Variants in DKK3 observed in about 807,000 individuals in gnomAD.
DKK3 encodes the protein dickkopf-related protein 3.
Under a neutral mutation model 33.2 loss-of-function variants are expected in DKK3, and 22 were observed. The observed-to-expected ratio is 0.66, with a 90% CI of 0.47 to 0.95. DKK3 has a LOEUF of 0.95. Among genes scored for constraint, DKK3 ranks in the 40% least tolerant of loss-of-function variants. The pLI, the probability that DKK3 is intolerant of heterozygous loss-of-function variation, is 0.00. For missense variants in DKK3, 398 were observed against 458.4 expected (o/e 0.87, Z 1.20); for synonymous variants, 194 against 188.8 (o/e 1.03, Z -0.23).
At chr11:11,989,274 C>A (rs548720706) in intron 3 of DKK3, among the ~76,000 whole-genome samples, 2 of 152,258 alleles carry the variant, frequency 1.3e-5, no homozygotes, top group South Asian at 2.1e-4. Flanking sequence ...GTGTTCATAG[C>A]AGCATTATTC....
At chr11:11,970,278 AAG>A (rs1282353860) in intron 3 of DKK3, among the ~76,000 whole-genome samples, 3 of 152,186 alleles carry the variant, frequency 2.0e-5, no homozygotes, top group Non-Finnish European at 1.5e-5. Flanking sequence ...CAATTGGAAA[AAG>A]AGAGAGAGAA....
rs886455606 is a variant in DKK3 at position 12,008,428 on chromosome 11, C to A, written c.155G>T (p.Arg52Leu). The A allele has an allele frequency of 3.7e-6, 6 of 1,611,216 alleles. No individual in the cohort carries two copies. The highest frequency in any genetic ancestry group is 5.1e-6 in the Non-Finnish European group (6 of 1,179,554). ...GTCCTCCATCAGTTCCTCAACCTCG[C>A]GGAACATCTCATTGAGGGTGGCCTC... is the stretch of plus-strand genomic sequence containing the variant. ...QEEATLNEMF[R>L]EVEELMEDTQ... Residue 52 changes from arginine to leucine, a missense_variant, in exon 1 of 7, where the codon CGC (arginine) becomes CTC (leucine). Coordinates refer to ENST00000683431, the MANE Select transcript of DKK3 (RefSeq NM_001018057.2). The surrounding 1 kb of genome is among the most constrained non-coding windows in gnomAD (Gnocchi z 4.6).
intron 3 of DKK3, among the ~76,000 whole-genome samples, chr11:11,990,416 A>T (rs1422148836): frequency 6.6e-6 from 1 of 152,248 alleles, no homozygotes; most frequent in Admixed American, 6.5e-5. Context: ...TGCAGGGTAC[A>T]GGCTTTGCAG....
intron 3 of DKK3, 198 bp downstream of exon 3, chr11:11,998,498 A>G (rs1173580090): frequency 9.4e-6 from 6 of 637,862 alleles, no homozygotes; most frequent in Admixed American, 8.6e-5. Flanking sequence ...TTCTGATGCC[A>G]AGTGCATGGA....
upstream of DKK3, chr11:12,009,517 G>A: frequency 4.2e-6 from 4 of 942,278 alleles, no homozygotes; most frequent in Non-Finnish European, 5.1e-6. Flanking sequence ...TCTACCGAAG[G>A]CAGCCATCTC....
intron 2 of DKK3, 85 bp downstream of exon 2, chr11:12,002,215 A>G: frequency 7.0e-7 from 1 of 1,438,698 alleles, no homozygotes; most frequent in South Asian, 1.5e-5. Context: ...TGTATATCAC[A>G]TATGAAAAAA....
At chr11:11,971,137 A>G (rs1847717163) in intron 3 of DKK3, among the ~76,000 whole-genome samples, 1 of 151,680 alleles carries the variant, frequency 6.6e-6, no homozygotes, top group South Asian at 2.1e-4. Context: ...CCTCAGAAAC[A>G]CTTGTCCATA....
At position 12,002,448 on chromosome 11, in the gene DKK3, G is replaced by A. The variant is rs762221559; in HGVS notation, c.214-11C>T. 26 of 1,607,520 alleles carry A rather than the reference G, an allele frequency of 1.6e-5. No homozygotes were observed. In the Admixed American group the frequency reaches 1.7e-4, roughly 10 times the overall value. ...TTCTTCTGCCTCCATCTATTAAATC[G>A]ATGAATTTAATGAGCAAAATTATTT... On this transcript the variant is annotated splice_polypyrimidine_tract_variant and intron_variant, in intron 1 of 6. Coordinates refer to ENST00000683431, the MANE Select transcript of DKK3 (RefSeq NM_001018057.2).
intron 3 of DKK3, among the ~76,000 whole-genome samples, chr11:11,992,070 G>A (rs6485350): frequency 0.56 from 84,700 of 152,018 alleles, 23,903 homozygotes; most frequent in African/African-American, 0.65. Flanking sequence ...AGGTACTCAA[G>A]GAATGTGCAA....
chr11:12,009,266 G>C, upstream of DKK3: 1 of 984,420 alleles, frequency 1.0e-6, no homozygotes, highest in Non-Finnish European at 1.2e-6. Flanking sequence ...GGAGCGGCGC[G>C]GTGGGCGGGC....
At chr11:11,997,879 A>T (rs987318583) in intron 3 of DKK3, among the ~76,000 whole-genome samples, 4 of 152,182 alleles carry the variant, frequency 2.6e-5, no homozygotes, top group African/African-American at 9.7e-5. Flanking sequence ...ACGTGGGGAA[A>T]ATCCTCAGTG....
At chr11:12,005,876 A>G (rs1476872563) in intron 1 of DKK3, among the ~76,000 whole-genome samples, 1 of 152,236 alleles carries the variant, frequency 6.6e-6, no homozygotes, top group Non-Finnish European at 1.5e-5. Flanking sequence ...ATTTTTGAAG[A>G]TATCTAAAAG....
intron 3 of DKK3, among the ~76,000 whole-genome samples, chr11:11,997,261 C>T (rs1166429848): frequency 2.0e-5 from 3 of 152,106 alleles, no homozygotes; most frequent in Non-Finnish European, 4.4e-5. Flanking sequence ...GGCTTTTTTC[C>T]TAATTCACAA....
Position 11,994,354 on chromosome 11 carries a change from G to C in DKK3, c.435+4342C>G, listed in dbSNP as rs1020283241. On this transcript the variant is annotated intron_variant, in intron 3 of 6. Transcript: ENST00000683431. ...TAGCTGAAGAAACCGAGTCACAAAG[G>C]GCAGAGCTTGTAAAAGGCAATGCAG... Among the ~76,000 whole-genome samples, 5 of 151,706 alleles carry C rather than the reference G, an allele frequency of 3.3e-5. No individual in the cohort carries two copies. The South Asian group carries it at 8.3e-4, about 25-fold the overall frequency.
chr11:11,975,968 A>T (rs1170587198), intron 3 of DKK3, among the ~76,000 whole-genome samples: 1 of 152,204 alleles, frequency 6.6e-6, no homozygotes, highest in East Asian at 1.9e-4. Flanking sequence ...AAAGTGGGGA[A>T]CCTCATGAAG....
chr11:12,007,144 G>A (rs901107586), intron 1 of DKK3, among the ~76,000 whole-genome samples: 1 of 152,184 alleles, frequency 6.6e-6, no homozygotes, highest in South Asian at 2.1e-4. Context: ...AACTCCACAG[G>A]CTAACTGTTG....
chr11:11,987,429 T>C (rs939269922), intron 3 of DKK3, among the ~76,000 whole-genome samples: 5 of 152,226 alleles, frequency 3.3e-5, no homozygotes, highest in Non-Finnish European at 7.3e-5. Flanking sequence ...CTCCCATCTC[T>C]GATTTCTCAT....
At chr11:12,005,816 T>C (rs1848525108) in intron 1 of DKK3, among the ~76,000 whole-genome samples, 1 of 152,228 alleles carries the variant, frequency 6.6e-6, no homozygotes, top group Non-Finnish European at 1.5e-5. Context: ...GCAGTCTCCA[T>C]AAAAAGTTAA....
intron 3 of DKK3, among the ~76,000 whole-genome samples, chr11:11,988,544 G>A (rs1019546804): frequency 1.3e-5 from 2 of 152,164 alleles, no homozygotes; most frequent in Non-Finnish European, 2.9e-5. Context: ...ACCACAGGTG[G>A]GAATTGATAA....
Sources: allele counts gnomAD v4.1 joint callset (sites outside exome capture counted in the v4.1 genomes callset), GRCh38; gene constraint gnomAD v4.1.1; non-coding constraint Gnocchi (gnomAD v3.1); transcripts MANE v1.5; gene names NCBI Gene and HGNC (gene_info 2026-07-23, HGNC 2026-07-21).